The following APH1B variants were observed in gnomAD, a reference collection of about 807,000 sequenced individuals.
The protein encoded by APH1B is gamma-secretase subunit APH-1B.
In APH1B, 27 loss-of-function variants were observed where a neutral mutation model predicts 28.2. That is an observed-to-expected ratio of 0.96 (90% confidence interval 0.70 to 1.32). The LOEUF (loss-of-function observed/expected upper bound fraction) is 1.32, where lower values mean the gene tolerates loss of function less well. Among genes scored for constraint, APH1B ranks in the 40% most tolerant of loss-of-function variants. The pLI is 0.00. For missense variants in APH1B, 305 were observed against 313.6 expected (o/e 0.97, Z 0.21); for synonymous variants, 141 against 124.6 (o/e 1.13, Z -0.88).
intron 5 of APH1B, 157 bp downstream of exon 5, chr15:63,302,629 C>CA: frequency 1.0e-6 from 1 of 956,556 alleles, no homozygotes; most frequent in Non-Finnish European, 1.4e-6. Flanking sequence ...AGTCTTACCA[C>CA]AAAAAGACCA....
intron 4 of APH1B, among the ~76,000 whole-genome samples, chr15:63,288,486 TCTC>T (rs2038471201): frequency 6.6e-6 from 1 of 152,180 alleles, no homozygotes; most frequent in South Asian, 2.1e-4. Context: ...GGCCTTGACA[TCTC>T]CTCTCTGGCT....
intron 4 of APH1B, among the ~76,000 whole-genome samples, chr15:63,292,935 T>G (rs541829016): frequency 4.4e-4 from 67 of 152,300 alleles, no homozygotes; most frequent in Middle Eastern, 3.4e-3. Context: ...GCTGCGGCTG[T>G]AAGACTTGAT....
intron 2 of APH1B, among the ~76,000 whole-genome samples, chr15:63,283,153 A>C (rs1472767021): frequency 6.6e-6 from 1 of 152,292 alleles, no homozygotes; most frequent in Non-Finnish European, 1.5e-5. Context: ...AGAATTAGGA[A>C]GCTTATTAAA....
chr15:63,291,167 G>T (rs2038502688), intron 4 of APH1B, among the ~76,000 whole-genome samples: 4 of 152,074 alleles, frequency 2.6e-5, no homozygotes, highest in Non-Finnish European at 4.4e-5. Context: ...CTCTAAACTG[G>T]CCTAAGAATA....
At chr15:63,302,255 G>A in intron 4 of APH1B, 90 bp from the exon 5 acceptor site, 1 of 1,481,652 alleles carries the variant, frequency 6.7e-7, no homozygotes, top group Non-Finnish European at 9.1e-7. Context: ...CTGAGGTGTG[G>A]TGGACACCCC....
rs757433371 is a variant in APH1B at position 63,302,513 on chromosome 15, A to C, written c.606+41A>C. On this transcript the variant is annotated intron_variant, in intron 5 of 5. Coordinates refer to ENST00000261879, the MANE Select transcript of APH1B (RefSeq NM_031301.4). ...ATGCTCAGACTGTATTCTGGAACTC[A>C]AGTCTATGTATCTAAAATGGTAAAT... is the stretch of plus-strand genomic sequence containing the variant. The C allele has an allele frequency of 1.3e-5, 20 of 1,590,760 alleles. No individual in the cohort carries two copies. In the Admixed American group the frequency reaches 3.4e-4, roughly 27 times the overall value.
chr15:63,288,024 T>C (rs1033291758), intron 4 of APH1B, among the ~76,000 whole-genome samples: 6 of 152,332 alleles, frequency 3.9e-5, no homozygotes, highest in Non-Finnish European at 8.8e-5. Flanking sequence ...AAATTGCTTT[T>C]TCGTCCACGA....
Position 63,285,088 on chromosome 15 carries a change from G to T in APH1B, c.285-1470G>T, listed in dbSNP as rs190497115. ...ATGGTCACTTAAATTTCTGGCTCATGTCCTCACTACCAAATGCTTCCAGAT... is the reference window on the plus strand; with the variant it reads ...ATGGTCACTTAAATTTCTGGCTCATTTCCTCACTACCAAATGCTTCCAGAT... On this transcript the variant is annotated intron_variant, in intron 2 of 5. Transcript: ENST00000261879. Among the ~76,000 whole-genome samples, 32 of 152,320 alleles carry T rather than the reference G, an allele frequency of 2.1e-4. No individual in the cohort carries two copies. In the East Asian group the frequency reaches 5.8e-3, roughly 28 times the overall value.
intron 5 of APH1B, among the ~76,000 whole-genome samples, chr15:63,302,819 C>T (rs952044573): frequency 3.9e-5 from 6 of 152,098 alleles, no homozygotes; most frequent in South Asian, 2.1e-4. Context: ...TCCTAGCTCT[C>T]GTATAACACA....
intron 4 of APH1B, among the ~76,000 whole-genome samples, chr15:63,297,777 C>T (rs1250854826): frequency 2.6e-5 from 4 of 152,076 alleles, no homozygotes; most frequent in Non-Finnish European, 5.9e-5. Flanking sequence ...TGCAGATATC[C>T]GGGTCTGTTT....
intron 2 of APH1B, among the ~76,000 whole-genome samples, chr15:63,282,635 A>C (rs1490359170): frequency 6.6e-6 from 1 of 152,150 alleles, no homozygotes; most frequent in Non-Finnish European, 1.5e-5. Context: ...TGTTGCTTGA[A>C]ACTCCTGTAT....
At position 63,307,625 on chromosome 15, in the gene APH1B, T is replaced by C. The variant is rs894805622; in HGVS notation, c.*1844T>C. The C allele has an allele frequency of 1.3e-5, 2 of 152,236 alleles. No homozygotes were observed. The highest frequency in any genetic ancestry group is 2.1e-4 in the South Asian group (1 of 4,832). 9.4% of individuals were successfully genotyped at this position (152,236 alleles called of 1,614,324 possible). A position where few individuals can be genotyped will look rare whatever the true frequency, so the allele number is the denominator to read the frequency against. On this transcript the variant is annotated 3_prime_UTR_variant, in exon 6 of 6. Coordinates refer to ENST00000261879, the MANE Select transcript of APH1B (RefSeq NM_031301.4). ...ACTCATCAAACTGGGATTATTCTTA[T>C]CAAAACATGGTCTTCTTTGAATAAG...
At chr15:63,278,367 C>T in intron 1 of APH1B, 1 of 456,660 alleles carries the variant, frequency 2.2e-6, no homozygotes, top group Non-Finnish European at 4.4e-6. Context: ...AAATACCGGA[C>T]TCTGGTGTCC....
At chr15:63,294,476 C>T (rs1176263939) in intron 4 of APH1B, among the ~76,000 whole-genome samples, 1 of 152,184 alleles carries the variant, frequency 6.6e-6, no homozygotes, top group Admixed American at 6.5e-5. Context: ...ACCACTTGTA[C>T]CAGTTCACTT....
intron 4 of APH1B, among the ~76,000 whole-genome samples, chr15:63,292,844 A>C (rs74673346): frequency 6.6e-6 from 1 of 152,240 alleles, no homozygotes; most frequent in Non-Finnish European, 1.5e-5. Flanking sequence ...TGCACACATC[A>C]CAGGCATCAG....
intron 5 of APH1B, among the ~76,000 whole-genome samples, chr15:63,305,340 G>A (rs1290332478): frequency 6.6e-6 from 1 of 152,146 alleles, no homozygotes; most frequent in Non-Finnish European, 1.5e-5. Flanking sequence ...CTAGTTACAC[G>A]ACATGCATCT....
intron 4 of APH1B, among the ~76,000 whole-genome samples, chr15:63,297,790 G>A (rs901017509): frequency 5.9e-5 from 9 of 152,180 alleles, no homozygotes; most frequent in African/African-American, 2.2e-4. Context: ...GTCTGTTTCT[G>A]TTGGACCTCT....
chr15:63,289,491 A>C (rs181622505), intron 4 of APH1B, among the ~76,000 whole-genome samples: 18 of 152,364 alleles, frequency 1.2e-4, no homozygotes, highest in African/African-American at 4.1e-4. Flanking sequence ...ATTACAGATT[A>C]AGCATTTTTA....
chr15:63,278,886 T>TA (rs2038354432), intron 1 of APH1B, among the ~76,000 whole-genome samples: 1 of 152,216 alleles, frequency 6.6e-6, no homozygotes, highest in East Asian at 1.9e-4. Flanking sequence ...CCTTGGCAGA[T>TA]AGAGTCTGCA....
Sources: allele counts gnomAD v4.1 joint callset (sites outside exome capture counted in the v4.1 genomes callset), GRCh38; gene constraint gnomAD v4.1.1; transcripts MANE v1.5; gene names NCBI Gene and HGNC (gene_info 2026-07-23, HGNC 2026-07-21).